EEA1: variants seen among roughly 807,000 people sequenced by gnomAD.
EEA1 encodes early endosome antigen 1, also known as early endosome antigen 1, 162kD.
Under a neutral mutation model 209.2 loss-of-function variants are expected in EEA1, and 111 were observed. That is an observed-to-expected ratio of 0.53 (90% CI 0.45 to 0.62). The LOEUF (loss-of-function observed/expected upper bound fraction) is 0.62, where lower values mean the gene tolerates loss of function less well. EEA1 is among the 20% of genes least tolerant of loss of function. The pLI is 0.00. For synonymous variants in EEA1, 536 were observed against 540.6 expected (o/e 0.99, Z 0.12); for missense variants, 1,343 against 1,530.8 (o/e 0.88, Z 2.05).
At chr12:92,798,351 A>T (rs57601828) in intron 21 of EEA1, among the ~76,000 whole-genome samples, 57,889 of 149,238 alleles carry the variant, frequency 0.39, 11,784 homozygotes, top group African/African-American at 0.45. Flanking sequence ...TATTATTATT[A>T]TTTTTTTTTG....
intron 2 of EEA1, among the ~76,000 whole-genome samples, chr12:92,869,973 A>G (rs1291532377): frequency 6.6e-6 from 1 of 152,056 alleles, no homozygotes; most frequent in Non-Finnish European, 1.5e-5. Flanking sequence ...TTTAACTGGT[A>G]TCATCCTACA....
At chr12:92,850,524 T>C (rs1877567938) in intron 9 of EEA1, among the ~76,000 whole-genome samples, 1 of 151,806 alleles carries the variant, frequency 6.6e-6, no homozygotes, top group African/African-American at 2.4e-5. Flanking sequence ...GCCCCATCTC[T>C]ACTAAAAATA....
intron 2 of EEA1, among the ~76,000 whole-genome samples, chr12:92,867,356 C>T (rs1333607857): frequency 1.3e-5 from 2 of 152,004 alleles, no homozygotes; most frequent in Non-Finnish European, 2.9e-5. Flanking sequence ...TTTTTTCATC[C>T]ATATTTCCAT....
chr12:92,887,840 A>G (rs1056206241), intron 2 of EEA1, among the ~76,000 whole-genome samples: 5 of 152,180 alleles, frequency 3.3e-5, no homozygotes, highest in African/African-American at 9.7e-5. Context: ...TGGCAATATC[A>G]GAAAAAAATT....
intron 1 of EEA1, among the ~76,000 whole-genome samples, chr12:92,917,518 A>C (rs1055081496): frequency 2.7e-5 from 4 of 150,324 alleles, no homozygotes; most frequent in African/African-American, 9.7e-5. Flanking sequence ...AAGGAGAAAT[A>C]AAATACTTTA....
At chr12:92,834,195 C>T (rs980774869) in intron 10 of EEA1, among the ~76,000 whole-genome samples, 2 of 151,862 alleles carry the variant, frequency 1.3e-5, no homozygotes, top group African/African-American at 4.8e-5. Flanking sequence ...GCTAATGTTA[C>T]TTATCAAACA....
chr12:92,849,985 A>G lies in EEA1; in HGVS notation c.798+1126T>C, dbSNP rs114224590. Among the ~76,000 whole-genome samples the G allele has an allele frequency of 4.0e-3, 613 of 152,362 alleles. 4 individuals are homozygous for G. Among genetic ancestry groups the G allele is most frequent in the African/African-American group, 0.013 (538 of 41,584 alleles). Reference sequence around the variant, plus strand: ...AAAAAGGACAAAGGCTAGGATTTTTAAGCACATTTATGTATTATACATCTT... The same window carrying G: ...AAAAAGGACAAAGGCTAGGATTTTTGAGCACATTTATGTATTATACATCTT... On this transcript the variant is annotated intron_variant, in intron 9 of 28. Transcript: ENST00000322349.
intron 24 of EEA1, 148 bp from the exon 25 acceptor site, chr12:92,779,448 G>A: frequency 1.4e-6 from 1 of 714,128 alleles, no homozygotes. Context: ...TAAAGAATTG[G>A]TTAAAAAGAT....
intron 19 of EEA1, 84 bp from the exon 20 acceptor site, chr12:92,801,785 CA>C: frequency 1.1e-6 from 1 of 883,710 alleles, no homozygotes; most frequent in Non-Finnish European, 1.6e-6. Context: ...GTAAGATACA[CA>C]CGAAGAAATA....
intron 3 of EEA1, among the ~76,000 whole-genome samples, chr12:92,864,434 T>G (rs1878284244): frequency 6.6e-6 from 1 of 152,146 alleles, no homozygotes; most frequent in South Asian, 2.1e-4. Context: ...AAACACAATG[T>G]GTACGTATGC....
chr12:92,850,689 C>CAAAAAAAA (rs11323932), intron 9 of EEA1, among the ~76,000 whole-genome samples: 33 of 46,918 alleles, frequency 7.0e-4, no homozygotes, highest in Non-Finnish European at 8.8e-4. Context: ...GACTTTGTCT[C>CAAAAAAAA]AAAAAAAAAA....
Position 92,776,831 on chromosome 12 carries a change from C to T in EEA1, c.4113+13G>A, listed in dbSNP as rs1306003883. On this transcript the variant is annotated intron_variant, in intron 28 of 28. Coordinates refer to ENST00000322349, the MANE Select transcript of EEA1 (RefSeq NM_003566.4). The stretch of plus-strand genomic sequence containing the variant: ...AAATCCAGAAACATAGTTACATGAA[C>T]AAAATTATTTACCCGTCTCACTGTT... The T allele has an allele frequency of 1.2e-6, 2 of 1,607,272 alleles. No individual in the cohort carries two copies. The highest frequency in any genetic ancestry group is 3.3e-5 in the Admixed American group (2 of 59,740).
At chr12:92,887,536 T>C (rs182118866) in intron 2 of EEA1, among the ~76,000 whole-genome samples, 16 of 152,174 alleles carry the variant, frequency 1.1e-4, no homozygotes, top group African/African-American at 3.6e-4. Flanking sequence ...TGTGCACCTA[T>C]AGTCCCACTA....
At chr12:92,880,920 C>T (rs1879111523) in intron 2 of EEA1, among the ~76,000 whole-genome samples, 1 of 152,170 alleles carries the variant, frequency 6.6e-6, no homozygotes, top group Admixed American at 6.5e-5. Flanking sequence ...GAGGGGAAGG[C>T]AGACCAGTTA....
At chr12:92,907,241 C>T (rs1158195588) in intron 1 of EEA1, among the ~76,000 whole-genome samples, 1 of 152,152 alleles carries the variant, frequency 6.6e-6, no homozygotes, top group Non-Finnish European at 1.5e-5. Context: ...TAATAAAACA[C>T]TAACTTTAAT....
intron 21 of EEA1, among the ~76,000 whole-genome samples, chr12:92,792,722 T>C (rs1354459733): frequency 6.6e-6 from 1 of 152,140 alleles, no homozygotes; most frequent in Non-Finnish European, 1.5e-5. Flanking sequence ...GCTGGTACCA[T>C]TCCTTTTGAA....
In EEA1 at chr12:92,771,835, GTTTTC is replaced by G. The variant is rs1401567578; in HGVS notation, c.*4171_*4175del. On this transcript the variant is annotated 3_prime_UTR_variant, in exon 29 of 29. Transcript: ENST00000322349. The stretch of plus-strand genomic sequence containing the variant: ...CCACAGACTTACATGTATAAAGGTA[GTTTTC>G]TCCCTCTGAATCTCATTAAAGGGAG... 6.6e-6 allele frequency: 1 copy of G among 151,956 alleles called. No individual in the cohort carries two copies. The highest frequency in any genetic ancestry group is 1.5e-5 in the Non-Finnish European group (1 of 67,908). 9.4% of individuals were successfully genotyped at this position (151,956 alleles called of 1,614,324 possible).
At chr12:92,913,280 T>C (rs999422034) in intron 1 of EEA1, among the ~76,000 whole-genome samples, 8 of 152,242 alleles carry the variant, frequency 5.3e-5, no homozygotes, top group Non-Finnish European at 1.0e-4. Flanking sequence ...CATTTTTAAT[T>C]TGCATTTCTC....
At chr12:92,926,829 C>G (rs541642049) in intron 1 of EEA1, among the ~76,000 whole-genome samples, 1 of 152,262 alleles carries the variant, frequency 6.6e-6, no homozygotes, top group African/African-American at 2.4e-5. Flanking sequence ...GTCCCTGAAG[C>G]TTTTCCTAAT....
Sources: gnomAD v4.1 joint callset for allele counts (sites outside exome capture counted in the v4.1 genomes callset) on GRCh38, gnomAD v4.1.1 for gene constraint, MANE v1.5 for transcripts, NCBI Gene and HGNC (gene_info 2026-07-23, HGNC 2026-07-21) for gene names.